NFIB: variants seen among roughly 807,000 people sequenced by gnomAD.
NFIB encodes nuclear factor I B.
NFIB carries 11 observed loss-of-function variants against 61.5 expected under a neutral mutation model. That is an observed-to-expected ratio of 0.18 (90% CI 0.11 to 0.30). The LOEUF (loss-of-function observed/expected upper bound fraction) is 0.30. Ranked by LOEUF, NFIB falls within the 10% of genes least tolerant of loss-of-function variation. NFIB has a pLI of 1.00. For missense variants in NFIB, 471 were observed against 608.9 expected (o/e 0.77, Z 2.38); for synonymous variants, 260 against 216.5 (o/e 1.20, Z -1.76).
intron 1 of NFIB, among the ~76,000 whole-genome samples, chr9:14,342,698 C>G (rs1202371675): frequency 6.6e-6 from 1 of 152,090 alleles, no homozygotes; most frequent in African/African-American, 2.4e-5. Flanking sequence ...TATATTCAAA[C>G]CATGTGTGTC....
the NFIB span, among the ~76,000 whole-genome samples, chr9:14,461,927 G>A: frequency 5.3e-5 from 8 of 152,168 alleles, no homozygotes; most frequent in South Asian, 4.1e-4. Context: ...GGGGAGAACT[G>A]GATTCAGATG....
intron 2 of NFIB, among the ~76,000 whole-genome samples, chr9:14,217,832 C>G (rs1213452938): frequency 6.6e-6 from 1 of 151,872 alleles, no homozygotes; most frequent in African/African-American, 2.4e-5. Flanking sequence ...TTTCTTTCCC[C>G]CAAAAGACAT....
At chr9:14,265,640 G>A (rs1450964718) in intron 2 of NFIB, among the ~76,000 whole-genome samples, 1 of 152,168 alleles carries the variant, frequency 6.6e-6, no homozygotes, top group Non-Finnish European at 1.5e-5. Context: ...TGACTACCAT[G>A]AACACCAATA....
rs139107754 is a variant in NFIB, at chr9:14,383,981, C to T, written c.108+14543G>A. ...GTATAGGAGGGCATGTGGCCAAGGC[C>T]TTGCAGAGAAAAGGCCGGGGTGCCC... On this transcript the variant is annotated intron_variant, in intron 1 of 8. Coordinates refer to the NFIB transcript ENST00000380934. 7.2e-5 allele frequency among the ~76,000 whole-genome samples: 11 copies of T among 152,342 alleles called. No individual in the cohort carries two copies. In the East Asian group the frequency reaches 2.1e-3, roughly 29 times the overall value.
At chr9:14,486,261 G>A in the NFIB span, among the ~76,000 whole-genome samples, 13 of 152,142 alleles carry the variant, frequency 8.5e-5, no homozygotes, top group South Asian at 2.1e-4. Context: ...AGAGTGAGGA[G>A]ACAGAAGATT....
chr9:14,317,931 TAA>T (rs1481437586), upstream of NFIB, among the ~76,000 whole-genome samples: 7 of 152,212 alleles, frequency 4.6e-5, no homozygotes, highest in African/African-American at 1.4e-4. Flanking sequence ...GTCGTGGTAT[TAA>T]GAGTGGAAAT....
Position 14,086,552 on chromosome 9 carries a change from A to T in NFIB, c.*1757T>A. 4.7e-6 allele frequency: 1 copy of T among 213,324 alleles called. No individual in the cohort carries two copies. The highest frequency in any genetic ancestry group is 1.9e-4 in the South Asian group (1 of 5,362). The allele number at this position is 213,324 out of a possible 1,614,324, so 13.2% of individuals were successfully genotyped here. A position where few individuals can be genotyped will look rare whatever the true frequency, so the allele number is the denominator to read the frequency against. On this transcript the variant is annotated 3_prime_UTR_variant, in exon 11 of 11. Coordinates refer to ENST00000380953, the MANE Select transcript of NFIB (RefSeq NM_001190737.2). The stretch of plus-strand genomic sequence containing the variant: ...AAGGTTAATAGAAAAAAACACCAAA[A>T]TACTGAAAATATTGCTGGTCGATTA...
rs1358496809 is a variant in NFIB at position 14,314,120 on chromosome 9, G to T, written c.-609C>A. 1 of 1,034,532 alleles carries T rather than the reference G, an allele frequency of 9.7e-7. No individual in the cohort carries two copies. The highest frequency in any genetic ancestry group is 1.2e-6 in the Non-Finnish European group (1 of 861,040). The allele number at this position is 1,034,532 out of a possible 1,614,324, so 64.1% of individuals were successfully genotyped here. A position where few individuals can be genotyped will look rare whatever the true frequency, so the allele number is the denominator to read the frequency against. On this transcript the variant is annotated 5_prime_UTR_variant, in exon 1 of 11. Coordinates refer to ENST00000380953, the MANE Select transcript of NFIB (RefSeq NM_001190737.2). ...CCGCGAGCCGACCATGTGTGTGCGC[G>T]AGGGGCAGCGTGAGCGAGTGCGCGC... is the stretch of plus-strand genomic sequence containing the variant.
At chr9:14,488,513 G>C in the NFIB span, among the ~76,000 whole-genome samples, 1 of 152,146 alleles carries the variant, frequency 6.6e-6, no homozygotes, top group Non-Finnish European at 1.5e-5. Flanking sequence ...AATGTGTTCA[G>C]AAATGTTAGC....
At chr9:14,171,625 T>G (rs1485836237) in intron 3 of NFIB, among the ~76,000 whole-genome samples, 2 of 152,140 alleles carry the variant, frequency 1.3e-5, no homozygotes, top group African/African-American at 4.8e-5. Context: ...AAAGAAATCA[T>G]GAGCAACTCT....
At chr9:14,223,392 G>C (rs948628634) in intron 2 of NFIB, among the ~76,000 whole-genome samples, 53 of 152,230 alleles carry the variant, frequency 3.5e-4, no homozygotes, top group African/African-American at 1.1e-3. Flanking sequence ...CCACTGCATT[G>C]CTTTTCTGAA....
the NFIB span, among the ~76,000 whole-genome samples, chr9:14,521,094 G>A: frequency 6.6e-6 from 1 of 152,230 alleles, no homozygotes; most frequent in African/African-American, 2.4e-5. Context: ...GGTGGATGAT[G>A]CTTCTGCATT....
At chr9:14,425,590 T>G in the NFIB span, among the ~76,000 whole-genome samples, 1 of 150,724 alleles carries the variant, frequency 6.6e-6, no homozygotes, top group African/African-American at 2.4e-5. Context: ...TGATTGAAAT[T>G]TCAGCATTGC....
At chr9:14,121,741 T>C (rs898205459) in intron 7 of NFIB, among the ~76,000 whole-genome samples, 2 of 152,148 alleles carry the variant, frequency 1.3e-5, no homozygotes, top group Non-Finnish European at 2.9e-5. Flanking sequence ...AGTATATTAC[T>C]TTACCCATAT....
chr9:14,121,905 A>G (rs1009645523), intron 7 of NFIB, among the ~76,000 whole-genome samples: 2 of 152,128 alleles, frequency 1.3e-5, no homozygotes, highest in African/African-American at 4.8e-5. Flanking sequence ...TGAAAGATGG[A>G]GAAAGAGTGT....
chr9:14,373,379 C>G (rs9406476), intron 1 of NFIB, among the ~76,000 whole-genome samples: 161 of 151,908 alleles, frequency 1.1e-3, no homozygotes, highest in African/African-American at 3.6e-3. Context: ...TTAGGAATAT[C>G]TTTTGTCTTA....
chr9:14,101,532 G>A (rs2035784177), intron 10 of NFIB, among the ~76,000 whole-genome samples: 1 of 152,206 alleles, frequency 6.6e-6, no homozygotes, highest in South Asian at 2.1e-4. Context: ...ATTAACATCA[G>A]AGCAGGGTTG....
At chr9:14,527,248 A>C in the NFIB span, among the ~76,000 whole-genome samples, 1 of 152,182 alleles carries the variant, frequency 6.6e-6, no homozygotes, top group Non-Finnish European at 1.5e-5. Flanking sequence ...AAAACGAATT[A>C]CTATTATTTA....
Position 14,120,569 on chromosome 9 carries a change from A to G in NFIB, c.1116T>C (p.Ala372=). The G allele has an allele frequency of 6.2e-7, 1 of 1,613,778 alleles. No individual in the cohort carries two copies. Among genetic ancestry groups the G allele is most frequent in the Non-Finnish European group, 8.5e-7 (1 of 1,179,876 alleles). ...PPSPLPFPTQ[A]ILPPAPSSYF... ...AGCTCGATGGGGCTGGAGGAAGGAT[A>G]GCTTGTGTTGGAAATGGCAACGGTG... Residue 372 remains alanine (A), a synonymous_variant, in exon 8 of 11, where the codon GCT becomes GCC. Transcript: ENST00000380953. The surrounding 1 kb of genome is among the most constrained non-coding windows in gnomAD (Gnocchi z 4.4).
Sources: gnomAD v4.1 joint callset for allele counts (sites outside exome capture counted in the v4.1 genomes callset) on GRCh38, gnomAD v4.1.1 for gene constraint, Gnocchi (gnomAD v3.1) non-coding constraint, MANE v1.5 for transcripts, NCBI Gene and HGNC (gene_info 2026-07-23, HGNC 2026-07-21) for gene names.